Variants in BACH1 observed in about 807,000 individuals in gnomAD.
BACH1 encodes BTB domain and CNC homolog 1, also known as transcription regulator protein BACH1.
Under a neutral mutation model 52.9 loss-of-function variants are expected in BACH1, and 35 were observed. That is an observed-to-expected ratio of 0.66 (90% CI 0.51 to 0.88). BACH1 has a LOEUF of 0.88. Among genes scored for constraint, BACH1 ranks in the 40% least tolerant of loss-of-function variants. BACH1 has a pLI of 0.00. For missense variants in BACH1, 808 were observed against 872.6 expected (o/e 0.93, Z 0.93); for synonymous variants, 321 against 319.6 (o/e 1.00, Z -0.05).
chr21:29,307,323 T>C (rs1160543918), intron 1 of BACH1, among the ~76,000 whole-genome samples: 1 of 152,246 alleles, frequency 6.6e-6, no homozygotes, highest in East Asian at 1.9e-4. Context: ...CTTGTAGTAC[T>C]CCTAACTTTT....
rs926394168 is a variant in BACH1 at position 29,323,645 on chromosome 21, A to G, written c.234+2131A>G. Among the ~76,000 whole-genome samples, 3 of 152,108 alleles carry G rather than the reference A, an allele frequency of 2.0e-5. No individual in the cohort carries two copies. The East Asian group carries it at 5.8e-4, about 29-fold the overall frequency. The stretch of plus-strand genomic sequence containing the variant: ...ACTCAAATGTTAGTCTTCTCTAGCA[A>G]CGCCCTCACTGACACACCCAGAAAC... On this transcript the variant is annotated intron_variant, in intron 2 of 4. Transcript: ENST00000286800.
At chr21:29,319,198 T>G (rs2088821052) in intron 1 of BACH1, among the ~76,000 whole-genome samples, 1 of 152,208 alleles carries the variant, frequency 6.6e-6, no homozygotes, top group Non-Finnish European at 1.5e-5. Flanking sequence ...CCATTGATAG[T>G]TAACATCTTT....
In BACH1 at chr21:29,343,577, C is replaced by G. The variant is rs2089139254; in HGVS notation, c.*744C>G. The G allele has an allele frequency of 6.6e-6, 1 of 152,220 alleles. No homozygotes were observed. The highest frequency in any genetic ancestry group is 1.5e-5 in the Non-Finnish European group (1 of 68,050). 9.4% of individuals were successfully genotyped at this position (152,220 alleles called of 1,614,324 possible). A position where few individuals can be genotyped will look rare whatever the true frequency, so the allele number is the denominator to read the frequency against. On this transcript the variant is annotated 3_prime_UTR_variant, in exon 5 of 5. Coordinates refer to ENST00000286800, the MANE Select transcript of BACH1 (RefSeq NM_001186.4). ...CAGTCTCTACCATATCTGGTCCCAT[C>G]ATGGACTTCCTATTTCCTGGCATTT...
chr21:29,342,662 G>A lies in BACH1; in HGVS notation c.2040G>A (p.Leu680=), dbSNP rs1232540697. Residue 680 remains leucine (L), a synonymous_variant, in exon 5 of 5, where the codon CTG becomes CTA. Transcript: ENST00000286800. The stretch of plus-strand genomic sequence containing the variant: ...TATCTGACCGGCCTCCAGCAGTGCT[G>A]CCTCCCTGTGCCAGAGGAAACAGTG... ...FSLSDRPPAV[L]PPCARGNSEP... is the part of the protein sequence containing the mutation. 1.2e-6 allele frequency: 2 copies of A among 1,614,160 alleles called. No individual in the cohort carries two copies. Among genetic ancestry groups the A allele is most frequent in the Non-Finnish European group, 1.7e-6 (2 of 1,180,020 alleles).
At chr21:29,327,484 A>C (rs559888699) in intron 3 of BACH1, 91 bp downstream of exon 3, 2 of 1,492,022 alleles carry the variant, frequency 1.3e-6, no homozygotes, top group African/African-American at 1.4e-5. Flanking sequence ...TTAGGGATAT[A>C]ATCAGGTTCA....
At chr21:29,333,620 C>T (rs2089009772) in intron 4 of BACH1, among the ~76,000 whole-genome samples, 2 of 152,110 alleles carry the variant, frequency 1.3e-5, no homozygotes, top group South Asian at 4.1e-4. Context: ...TTAGTTTGGT[C>T]TTAGGCTATT....
At chr21:29,340,379 TGTG>T (rs1270395285) in intron 4 of BACH1, among the ~76,000 whole-genome samples, 1 of 152,162 alleles carries the variant, frequency 6.6e-6, no homozygotes. Context: ...TTTTAGTTGT[TGTG>T]AAGAAGCAAG....
intron 2 of BACH1, among the ~76,000 whole-genome samples, chr21:29,354,324 C>CT (rs996667405): frequency 1.6e-4 from 24 of 152,032 alleles, no homozygotes; most frequent in African/African-American, 5.8e-4. Context: ...TGACATTTAT[C>CT]TTAAGGACAA....
intron 1 of BACH1, among the ~76,000 whole-genome samples, chr21:29,310,713 T>G (rs189521523): frequency 1.3e-5 from 2 of 152,344 alleles, no homozygotes; most frequent in East Asian, 3.8e-4. Flanking sequence ...ACTTGTTAAC[T>G]ATTGCTGAGA....
Position 29,344,998 on chromosome 21 carries a change from C to G in BACH1, c.*2165C>G, listed in dbSNP as rs1436038301. The stretch of plus-strand genomic sequence containing the variant: ...GCACTTGGTTTAAATTTCTCTCTAC[C>G]TATAAACAGTTTAGCATTAAGGGTT... On this transcript the variant is annotated 3_prime_UTR_variant, in exon 5 of 5. Transcript: ENST00000286800. 6.6e-6 allele frequency: 1 copy of G among 152,572 alleles called. No homozygotes were observed. The highest frequency in any genetic ancestry group is 1.5e-5 in the Non-Finnish European group (1 of 68,006). 9.5% of individuals were successfully genotyped at this position (152,572 alleles called of 1,614,324 possible). A position where few individuals can be genotyped will look rare whatever the true frequency, so the allele number is the denominator to read the frequency against.
chr21:29,342,656 A>C lies in BACH1; in HGVS notation c.2034A>C (p.Ala678=). Residue 678 remains alanine, a synonymous_variant, in exon 5 of 5, where the codon GCA becomes GCC. Transcript: ENST00000286800. ...SIFSLSDRPP[A]VLPPCARGNS... is the part of the protein sequence containing the mutation. ...TCAGTTTATCTGACCGGCCTCCAGCAGTGCTGCCTCCCTGTGCCAGAGGAA... is the reference window on the plus strand; with the variant it reads ...TCAGTTTATCTGACCGGCCTCCAGCCGTGCTGCCTCCCTGTGCCAGAGGAA... 1.9e-6 allele frequency: 3 copies of C among 1,614,252 alleles called. No homozygotes were observed. The highest frequency in any genetic ancestry group is 2.5e-6 in the Non-Finnish European group (3 of 1,180,056).
intron 1 of BACH1, among the ~76,000 whole-genome samples, chr21:29,318,577 C>T (rs1370054614): frequency 6.6e-6 from 1 of 152,178 alleles, no homozygotes; most frequent in East Asian, 1.9e-4. Flanking sequence ...GCTCTCAACC[C>T]ATGAGATGAT....
intron 1 of BACH1, among the ~76,000 whole-genome samples, chr21:29,307,410 T>C (rs1327203671): frequency 6.6e-6 from 1 of 150,842 alleles, no homozygotes; most frequent in Non-Finnish European, 1.5e-5. Context: ...CTTACCTTTG[T>C]GTGTGTGTGT....
At chr21:29,327,532 G>T in intron 3 of BACH1, 139 bp downstream of exon 3, 1 of 1,252,052 alleles carries the variant, frequency 8.0e-7, no homozygotes, top group Non-Finnish European at 1.1e-6. Flanking sequence ...TTAATTGTAA[G>T]ACTGTGTGAT....
rs1412004885 is a variant in BACH1 at position 29,344,937 on chromosome 21, T to C, written c.*2104T>C. ...GATTACCTACTATTTTATGATAAAA[T>C]GTAGTTGTCTCCAGAGCTTAAATAT... On this transcript the variant is annotated 3_prime_UTR_variant, in exon 5 of 5. Transcript: ENST00000286800. The C allele has an allele frequency of 6.6e-6, 1 of 152,646 alleles. No individual in the cohort carries two copies. The highest frequency in any genetic ancestry group is 1.5e-5 in the Non-Finnish European group (1 of 68,024). 9.5% of individuals were successfully genotyped at this position (152,646 alleles called of 1,614,324 possible).
chr21:29,301,007 TTA>T (rs2088597389), intron 1 of BACH1, among the ~76,000 whole-genome samples: 1 of 152,206 alleles, frequency 6.6e-6, no homozygotes, highest in African/African-American at 2.4e-5. Flanking sequence ...ACCCAAATAT[TTA>T]TATGAGTCCT....
chr21:29,334,761 A>G (rs79433795), intron 4 of BACH1, among the ~76,000 whole-genome samples: 1 of 152,208 alleles, frequency 6.6e-6, no homozygotes, highest in Non-Finnish European at 1.5e-5. Flanking sequence ...TTTGTCCATT[A>G]TGATGGCACA....
At chr21:29,346,705 G>A (rs144075009), downstream of BACH1, among the ~76,000 whole-genome samples, 597 of 152,336 alleles carry the variant, frequency 3.9e-3, 2 homozygotes, top group Non-Finnish European at 6.7e-3. Context: ...GGCTGACATT[G>A]AGAAACCCTG....
At chr21:29,329,335 T>G in intron 3 of BACH1, 152 bp from the exon 4 acceptor site, 1 of 559,924 alleles carries the variant, frequency 1.8e-6, no homozygotes, top group Non-Finnish European at 2.9e-6. Flanking sequence ...AGATATCCTT[T>G]TGAGATTGTA....
Sources: gnomAD v4.1 joint callset for allele counts (sites outside exome capture counted in the v4.1 genomes callset) on GRCh38, gnomAD v4.1.1 for gene constraint, MANE v1.5 for transcripts, NCBI Gene and HGNC (gene_info 2026-07-23, HGNC 2026-07-21) for gene names.